The following BLACAT1 variants were observed in gnomAD, a reference collection of about 807,000 sequenced individuals.
BLACAT1 encodes the protein bladder cancer associated transcript 1.
rs556306178 is a variant in BLACAT1 at position 205,451,638 on chromosome 1, A to C, written c.-37+4279T>G. Among the ~76,000 whole-genome samples, 9 of 152,288 alleles carry C rather than the reference A, an allele frequency of 5.9e-5. No individual in the cohort carries two copies. The South Asian group carries it at 1.9e-3, about 32-fold the overall frequency. Reference sequence around the variant, plus strand: ...TGAGGGGGAGATGGAACTGAGAGACACAGAATGGAGACACTGAGAGAAATT... The same window carrying C: ...TGAGGGGGAGATGGAACTGAGAGACCCAGAATGGAGACACTGAGAGAAATT... On this transcript the variant is annotated intron_variant, in intron 1 of 1. Transcript: ENST00000629624.
intron 1 of BLACAT1, among the ~76,000 whole-genome samples, chr1:205,455,378 G>T (rs6675524): frequency 0.43 from 65,848 of 151,970 alleles, 17,795 homozygotes; most frequent in African/African-American, 0.77. Context: ...TTGGTGGTTT[G>T]GCCCACGGAC....
At chr1:205,437,374 G>C (rs1366379933), downstream of BLACAT1, 1 of 152,448 alleles carries the variant, frequency 6.6e-6, no homozygotes, top group East Asian at 1.9e-4. Flanking sequence ...GTACATAAGA[G>C]TGGCGCCTGT....
intron 1 of BLACAT1, among the ~76,000 whole-genome samples, chr1:205,451,057 C>G (rs1451706919): frequency 1.3e-5 from 2 of 152,128 alleles, no homozygotes; most frequent in East Asian, 3.9e-4. Flanking sequence ...GAACTGGGGC[C>G]CAGCAGCCCA....
intron 1 of BLACAT1, among the ~76,000 whole-genome samples, chr1:205,444,073 A>G (rs988197480): frequency 2.6e-5 from 4 of 152,058 alleles, no homozygotes; most frequent in African/African-American, 9.7e-5. Flanking sequence ...AGTCTGGACT[A>G]GCACCTGGGT....
downstream of BLACAT1, chr1:205,435,726 A>G (rs1347903336): frequency 6.6e-6 from 1 of 152,182 alleles, no homozygotes; most frequent in Non-Finnish European, 1.5e-5. Flanking sequence ...TGTAGGAAAA[A>G]ATCCATCCTG....
In BLACAT1 at chr1:205,448,572, T is replaced by A. The variant is rs974636854; in HGVS notation, c.-37+7345A>T. ...TCTTCCACCACCTGCACTAAAGCCA[T>A]CCCAGTAATGAGTTTCCAGTTCTTG... is the stretch of plus-strand genomic sequence containing the variant. On this transcript the variant is annotated intron_variant, in intron 1 of 1. Coordinates refer to ENST00000629624, the Ensembl canonical transcript of BLACAT1. The surrounding 1 kb of genome is among the most constrained non-coding windows in gnomAD (Gnocchi z 4.7). 6.6e-6 allele frequency among the ~76,000 whole-genome samples: 1 copy of A among 151,582 alleles called. No individual in the cohort carries two copies. The highest frequency in any genetic ancestry group is 1.5e-5 in the Non-Finnish European group (1 of 67,908).
chr1:205,451,055 G>A (rs1287875247), intron 1 of BLACAT1, among the ~76,000 whole-genome samples: 1 of 152,142 alleles, frequency 6.6e-6, no homozygotes, highest in Non-Finnish European at 1.5e-5. Context: ...GAGAACTGGG[G>A]CCCAGCAGCC....
chr1:205,453,081 T>C (rs1478963090), intron 1 of BLACAT1, among the ~76,000 whole-genome samples: 1 of 151,998 alleles, frequency 6.6e-6, no homozygotes, highest in Non-Finnish European at 1.5e-5. Context: ...TCCACTCACA[T>C]GGGGGTGGGA....
intron 1 of BLACAT1, among the ~76,000 whole-genome samples, chr1:205,454,549 T>TGTGAGA (rs1246150219): frequency 1.4e-5 from 2 of 147,206 alleles, no homozygotes; most frequent in African/African-American, 5.0e-5. Flanking sequence ...TGTGTGTGTG[T>TGTGAGA]GAGAGAGAGA....
intron 1 of BLACAT1, among the ~76,000 whole-genome samples, chr1:205,455,051 G>T (rs1666546230): frequency 6.6e-6 from 1 of 152,102 alleles, no homozygotes; most frequent in African/African-American, 2.4e-5. Flanking sequence ...TGGCAGGGCT[G>T]GCCAGCTCTT....
rs535393247 is a variant in BLACAT1, at chr1:205,446,566, G to A, written c.-36-5504C>T. Among the ~76,000 whole-genome samples the A allele has an allele frequency of 1.2e-3, 179 of 152,310 alleles. 1 individual carries two copies. Among genetic ancestry groups the A allele is most frequent in the South Asian group, 0.01 (50 of 4,826 alleles). On this transcript the variant is annotated intron_variant, in intron 1 of 1. Coordinates refer to ENST00000629624, the Ensembl canonical transcript of BLACAT1. ...GGGCAAACTGAACAACAGGATTCCC[G>A]GGAGGGGCCCAGTTGCAGGGGGCAG...
intron 1 of BLACAT1, among the ~76,000 whole-genome samples, chr1:205,454,549 T>TGAGAGA (rs574485023): frequency 6.8e-6 from 1 of 147,206 alleles, no homozygotes; most frequent in African/African-American, 2.5e-5. Flanking sequence ...TGTGTGTGTG[T>TGAGAGA]GAGAGAGAGA....
intron 1 of BLACAT1, among the ~76,000 whole-genome samples, chr1:205,452,764 C>T (rs1006418810): frequency 2.6e-5 from 4 of 152,090 alleles, no homozygotes; most frequent in African/African-American, 7.2e-5. Flanking sequence ...GGAACCAGGA[C>T]ATTAGGAAGA....
chr1:205,446,392 T>C (rs1666389855), intron 1 of BLACAT1, among the ~76,000 whole-genome samples: 1 of 152,212 alleles, frequency 6.6e-6, no homozygotes, highest in African/African-American at 2.4e-5. Context: ...CATCCATCTT[T>C]TCTCCCAGTT....
chr1:205,447,890 T>C, intron 1 of BLACAT1, among the ~76,000 whole-genome samples: 1 of 152,222 alleles, frequency 6.6e-6, no homozygotes, highest in South Asian at 2.1e-4. Flanking sequence ...GATTCCAAGC[T>C]GACCTCAGAG....
At chr1:205,454,024 G>A (rs1666531274) in intron 1 of BLACAT1, among the ~76,000 whole-genome samples, 1 of 152,192 alleles carries the variant, frequency 6.6e-6, no homozygotes, top group Non-Finnish European at 1.5e-5. Context: ...AAGAACTATG[G>A]AACTGGGCTC....
In BLACAT1 at chr1:205,448,978, GGTGGTTACC is replaced by G. The variant is rs937762328; in HGVS notation, c.-37+6930_-37+6938del. On this transcript the variant is annotated intron_variant, in intron 1 of 1. Coordinates refer to ENST00000629624, the Ensembl canonical transcript of BLACAT1. The surrounding 1 kb of genome is among the most constrained non-coding windows in gnomAD (Gnocchi z 4.7). ...GGGCCAACCTACCCAGACCAGTCTG[GGTGGTTACC>G]GACAACACCCATTCTTGCATAGTTT... Among the ~76,000 whole-genome samples, 13 of 152,106 alleles carry G rather than the reference GGTGGTTACC, an allele frequency of 8.5e-5. No homozygotes were observed. The highest frequency in any genetic ancestry group is 3.1e-4 in the African/African-American group (13 of 41,432).
At chr1:205,446,055 C>T (rs1376245112) in intron 1 of BLACAT1, among the ~76,000 whole-genome samples, 2 of 152,162 alleles carry the variant, frequency 1.3e-5, no homozygotes, top group African/African-American at 2.4e-5. Context: ...ACTTAGATTG[C>T]TGGGAATAAA....
chr1:205,453,658 G>A (rs1221026984), intron 1 of BLACAT1, among the ~76,000 whole-genome samples: 1 of 152,150 alleles, frequency 6.6e-6, no homozygotes, highest in Non-Finnish European at 1.5e-5. Flanking sequence ...GGGCAGGAGA[G>A]CAAACACGGG....
Sources: gnomAD v4.1 joint callset for allele counts (sites outside exome capture counted in the v4.1 genomes callset) on GRCh38, gnomAD v4.1.1 for gene constraint, Gnocchi (gnomAD v3.1) non-coding constraint, MANE v1.5 for transcripts, NCBI Gene and HGNC (gene_info 2026-07-23, HGNC 2026-07-21) for gene names.